The following CCSER1 variants were observed in gnomAD, a reference collection of about 807,000 sequenced individuals.
The protein encoded by CCSER1 is coiled-coil serine rich protein 1.
A neutral mutation model predicts 82.0 loss-of-function variants in CCSER1; 41 were observed. The ratio of observed to expected loss-of-function variants is 0.50; its 90% CI spans 0.39 to 0.65. The LOEUF (loss-of-function observed/expected upper bound fraction) is 0.65, where lower values mean the gene tolerates loss of function less well. Ranked by LOEUF, CCSER1 falls within the 30% of genes least tolerant of loss-of-function variation. The probability of loss-of-function intolerance (pLI) is 0.00; values close to 1 mark genes in which losing one functional copy is unlikely to be tolerated. For missense variants in CCSER1, 1,119 were observed against 1,064.2 expected, an observed-to-expected ratio of 1.05 and a Z score of -0.72; for synonymous variants, 414 against 383.9, an observed-to-expected ratio of 1.08 and a Z score of -0.92.
chr4:90,605,194 A>T (rs887847439), intron 5 of CCSER1, among the ~76,000 whole-genome samples: 1 of 152,170 alleles, frequency 6.6e-6, no homozygotes, highest in Non-Finnish European at 1.5e-5. Flanking sequence ...ATTAGAAGTA[A>T]CAAACTCCGG....
chr4:90,924,438 AT>A (rs1405319856), intron 9 of CCSER1, among the ~76,000 whole-genome samples: 1 of 152,120 alleles, frequency 6.6e-6, no homozygotes, highest in Non-Finnish European at 1.5e-5. Context: ...TCAAGTGTTT[AT>A]ATACCTTATT....
At chr4:91,457,347 G>A (rs561691394) in intron 10 of CCSER1, among the ~76,000 whole-genome samples, 3 of 151,980 alleles carry the variant, frequency 2.0e-5, no homozygotes, top group East Asian at 1.9e-4. Context: ...TTTTTGTTTA[G>A]TTTCAACCCA....
chr4:91,347,418 C>T (rs1009026300), intron 10 of CCSER1, among the ~76,000 whole-genome samples: 8 of 151,822 alleles, frequency 5.3e-5, no homozygotes, highest in African/African-American at 1.9e-4. Flanking sequence ...TTTTTTACTT[C>T]TTCAATATTG....
At chr4:91,061,115 A>G (rs2148735875) in intron 9 of CCSER1, among the ~76,000 whole-genome samples, 1 of 152,158 alleles carries the variant, frequency 6.6e-6, no homozygotes, top group East Asian at 1.9e-4. Context: ...AATGACTTTA[A>G]AATGTATTGC....
chr4:91,080,454 A>G (rs1003744740), intron 9 of CCSER1, among the ~76,000 whole-genome samples: 2 of 152,232 alleles, frequency 1.3e-5, no homozygotes, highest in African/African-American at 4.8e-5. Flanking sequence ...AAATGCCCAT[A>G]AGAGAAAGCA....
At chr4:90,794,249 C>A (rs1454258909) in intron 7 of CCSER1, among the ~76,000 whole-genome samples, 1 of 152,164 alleles carries the variant, frequency 6.6e-6, no homozygotes, top group Non-Finnish European at 1.5e-5. Context: ...TGCCTATGTC[C>A]TGAATGGTAT....
chr4:90,300,748 T>A (rs535969417), intron 1 of CCSER1, among the ~76,000 whole-genome samples: 30 of 152,178 alleles, frequency 2.0e-4, no homozygotes, highest in Admixed American at 3.9e-4. Flanking sequence ...GTAGTTAGCT[T>A]CCAAGATGAT....
chr4:90,709,722 G>A (rs1580076714), intron 6 of CCSER1, among the ~76,000 whole-genome samples: 1 of 152,030 alleles, frequency 6.6e-6, no homozygotes, highest in South Asian at 2.1e-4. Flanking sequence ...CTTTGCTATT[G>A]TGAATAGTGC....
chr4:90,703,722 G>C (rs962528750), intron 6 of CCSER1, among the ~76,000 whole-genome samples: 1 of 151,984 alleles, frequency 6.6e-6, no homozygotes, highest in African/African-American at 2.4e-5. Context: ...CTTTACCATT[G>C]TGTAATGTCC....
intron 4 of CCSER1, among the ~76,000 whole-genome samples, chr4:90,460,361 A>C (rs1762743156): frequency 6.7e-6 from 1 of 150,096 alleles, no homozygotes; most frequent in South Asian, 2.1e-4. Flanking sequence ...GCAAGAAAAA[A>C]ACTGAGATTA....
At chr4:90,557,312 G>T (rs1431448254) in intron 5 of CCSER1, among the ~76,000 whole-genome samples, 2 of 152,038 alleles carry the variant, frequency 1.3e-5, no homozygotes, top group African/African-American at 2.4e-5. Flanking sequence ...ATACAGCAAA[G>T]ATTTTTGTAA....
chr4:90,783,546 G>A (rs996830598), intron 7 of CCSER1, among the ~76,000 whole-genome samples: 2 of 152,184 alleles, frequency 1.3e-5, no homozygotes, highest in African/African-American at 4.8e-5. Context: ...ATCCCATCAG[G>A]TTCTTACGGT....
rs1385709636 is a variant in CCSER1, at chr4:90,369,159, AG to A, written c.1510-30876del. Among the ~76,000 whole-genome samples the A allele has an allele frequency of 2.9e-3, 433 of 151,314 alleles. 7 individuals are homozygous for A. Among genetic ancestry groups the A allele is most frequent in the African/African-American group, 9.9e-3 (408 of 41,182 alleles). On this transcript the variant is annotated intron_variant, in intron 3 of 10. Transcript: ENST00000509176. ...ATTAATTGGAAAACAGGAAGGAAGG[AG>A]AGGAGGAGGAAAAGGAGAAGGACAA... is the stretch of plus-strand genomic sequence containing the variant.
chr4:90,383,246 G>A (rs534631449), intron 3 of CCSER1, among the ~76,000 whole-genome samples: 11 of 152,000 alleles, frequency 7.2e-5, no homozygotes, highest in African/African-American at 2.7e-4. Context: ...GGAAAGGTTA[G>A]GCTTAAAAAA....
At chr4:91,131,628 C>A (rs1485295745) in intron 10 of CCSER1, among the ~76,000 whole-genome samples, 1 of 151,930 alleles carries the variant, frequency 6.6e-6, no homozygotes, top group Non-Finnish European at 1.5e-5. Flanking sequence ...ATATATTAAT[C>A]TATTCATCAA....
At chr4:90,407,066 T>C (rs898253378) in intron 4 of CCSER1, among the ~76,000 whole-genome samples, 3 of 151,606 alleles carry the variant, frequency 2.0e-5, no homozygotes, top group Non-Finnish European at 2.9e-5. Flanking sequence ...GATAAGTGAA[T>C]CAAAAAGCTT....
At chr4:90,765,717 A>C (rs1447801705) in intron 7 of CCSER1, among the ~76,000 whole-genome samples, 1 of 152,142 alleles carries the variant, frequency 6.6e-6, no homozygotes, top group Non-Finnish European at 1.5e-5. Context: ...AGCAGAAGAG[A>C]AAAAAATAAA....
intron 10 of CCSER1, among the ~76,000 whole-genome samples, chr4:91,462,932 C>T (rs1380553527): frequency 6.6e-6 from 1 of 152,178 alleles, no homozygotes; most frequent in Non-Finnish European, 1.5e-5. Flanking sequence ...CCTCTGGGGG[C>T]AGGGCATAGC....
At chr4:91,592,136 T>C (rs1299810019) in intron 10 of CCSER1, among the ~76,000 whole-genome samples, 1 of 152,166 alleles carries the variant, frequency 6.6e-6, no homozygotes, top group African/African-American at 2.4e-5. Context: ...TAGTCCACTC[T>C]CACATTGCTA....
Sources: gnomAD v4.1 joint callset for allele counts (sites outside exome capture counted in the v4.1 genomes callset) on GRCh38, gnomAD v4.1.1 for gene constraint, MANE v1.5 for transcripts, NCBI Gene and HGNC (gene_info 2026-07-23, HGNC 2026-07-21) for gene names.